The following FBXW7 variants were observed in gnomAD, a reference collection of about 807,000 sequenced individuals.
The protein encoded by FBXW7 is F-box and WD repeat domain containing 7, also known as F-box/WD repeat-containing protein 7.
A neutral mutation model predicts 86.3 loss-of-function variants in FBXW7; 11 were observed. The ratio of observed to expected loss-of-function variants is 0.13; its 90% CI spans 0.08 to 0.21. FBXW7 has a LOEUF of 0.21. Among genes scored for constraint, FBXW7 ranks in the 10% least tolerant of loss-of-function variants. FBXW7 has a pLI of 1.00. For missense variants in FBXW7, 488 were observed against 847.4 expected, an observed-to-expected ratio of 0.58 and a Z score of 5.27; for synonymous variants, 313 against 297.9, an observed-to-expected ratio of 1.05 and a Z score of -0.52.
chr4:152,491,048 G>A (rs1745798462), intron 2 of FBXW7, among the ~76,000 whole-genome samples: 1 of 152,080 alleles, frequency 6.6e-6, no homozygotes, highest in East Asian at 1.9e-4. Flanking sequence ...ACATTAATAA[G>A]GAAGAAGCAT....
chr4:152,415,109 A>G (rs1179590287), intron 2 of FBXW7, among the ~76,000 whole-genome samples: 1 of 152,194 alleles, frequency 6.6e-6, no homozygotes, highest in Non-Finnish European at 1.5e-5. Context: ...AGAGGAATAA[A>G]AGTGGGCATA....
rs990033646 is a variant in FBXW7, at chr4:152,535,601, C to T, written c.-687G>A. 28 of 396,926 alleles carry T rather than the reference C, an allele frequency of 7.1e-5. No homozygotes were observed. The highest frequency in any genetic ancestry group is 5.6e-4 in the African/African-American group (27 of 48,482). 24.6% of individuals were successfully genotyped at this position (396,926 alleles called of 1,614,324 possible). A position where few individuals can be genotyped will look rare whatever the true frequency, so the allele number is the denominator to read the frequency against. ...CGAGTCGGCGGCAAGGCGAGGGACC[C>T]GGCCGGCTCCGCTCGGCGCCGCCCC... is the stretch of plus-strand genomic sequence containing the variant. On this transcript the variant is annotated 5_prime_UTR_variant, in exon 1 of 14. Transcript: ENST00000281708.
intron 4 of FBXW7, among the ~76,000 whole-genome samples, chr4:152,399,194 G>C (rs537507457): frequency 6.6e-6 from 1 of 152,248 alleles, no homozygotes; most frequent in African/African-American, 2.4e-5. Flanking sequence ...TCAAGGAAAG[G>C]TAAATTGCCT....
intron 6 of FBXW7, among the ~76,000 whole-genome samples, chr4:152,344,459 A>G (rs1459473568): frequency 1.3e-5 from 2 of 152,048 alleles, no homozygotes; most frequent in African/African-American, 4.8e-5. Flanking sequence ...AACTAAGAAC[A>G]TGTTTTCTTC....
intron 2 of FBXW7, among the ~76,000 whole-genome samples, chr4:152,488,162 A>C (rs909250782): frequency 5.3e-5 from 8 of 152,060 alleles, no homozygotes; most frequent in African/African-American, 1.9e-4. Flanking sequence ...AACTCTACAA[A>C]ATCATCCTAT....
intron 2 of FBXW7, among the ~76,000 whole-genome samples, chr4:152,444,578 A>G (rs1741202904): frequency 2.0e-5 from 3 of 152,234 alleles, no homozygotes; most frequent in African/African-American, 4.8e-5. Flanking sequence ...AGTCAGAAGG[A>G]TAATTTTACA....
chr4:152,348,290 T>G (rs1213030914), intron 5 of FBXW7, among the ~76,000 whole-genome samples: 1 of 152,074 alleles, frequency 6.6e-6, no homozygotes, highest in Non-Finnish European at 1.5e-5. Context: ...TAAATCTATC[T>G]TTTCTTCTTT....
At chr4:152,388,494 T>G (rs1255139034) in intron 4 of FBXW7, among the ~76,000 whole-genome samples, 3 of 152,132 alleles carry the variant, frequency 2.0e-5, no homozygotes, top group Non-Finnish European at 2.9e-5. Context: ...GGAATCAACA[T>G]CTCAATGTTA....
chr4:152,511,336 C>G (rs1747957014), intron 2 of FBXW7, among the ~76,000 whole-genome samples: 1 of 142,312 alleles, frequency 7.0e-6, no homozygotes, highest in Non-Finnish European at 1.5e-5. Flanking sequence ...CTGTGGAGTG[C>G]ATGACCATGG....
intron 2 of FBXW7, among the ~76,000 whole-genome samples, chr4:152,508,031 G>A (rs2149709950): frequency 6.6e-6 from 1 of 151,750 alleles, no homozygotes; most frequent in East Asian, 1.9e-4. Flanking sequence ...TCATACCACT[G>A]CGCACTCCAG....
At chr4:152,511,351 T>C (rs967409027) in intron 2 of FBXW7, among the ~76,000 whole-genome samples, 1 of 122,936 alleles carries the variant, frequency 8.1e-6, no homozygotes, top group African/African-American at 3.1e-5. Flanking sequence ...CCATGGACAA[T>C]TACTTAAAAG....
chr4:152,374,965 C>T (rs1734360138), intron 4 of FBXW7, among the ~76,000 whole-genome samples: 1 of 151,980 alleles, frequency 6.6e-6, no homozygotes, highest in Admixed American at 6.6e-5. Flanking sequence ...TTTTACTTGG[C>T]TAAGAGTTCT....
intron 2 of FBXW7, among the ~76,000 whole-genome samples, chr4:152,531,193 T>C (rs1749995839): frequency 1.3e-5 from 2 of 152,336 alleles, no homozygotes; most frequent in Non-Finnish European, 1.5e-5. Context: ...TAACTATAAG[T>C]GGCTGCCTTC....
intron 2 of FBXW7, among the ~76,000 whole-genome samples, chr4:152,465,195 A>G (rs890132919): frequency 2.0e-5 from 3 of 151,428 alleles, no homozygotes; most frequent in African/African-American, 7.3e-5. Flanking sequence ...CCTTCAAGGA[A>G]AAAAAAAAGT....
At chr4:152,379,867 T>C (rs918210559) in intron 4 of FBXW7, among the ~76,000 whole-genome samples, 2 of 152,190 alleles carry the variant, frequency 1.3e-5, no homozygotes, top group African/African-American at 2.4e-5. Context: ...CCTGAAAATA[T>C]TTGAAGAGAT....
intron 2 of FBXW7, among the ~76,000 whole-genome samples, chr4:152,441,922 T>A (rs1740929256): frequency 6.6e-6 from 1 of 152,220 alleles, no homozygotes; most frequent in Non-Finnish European, 1.5e-5. Flanking sequence ...TTTAAAAGGT[T>A]AACACGATTT....
At chr4:152,369,867 C>G (rs1330911940) in intron 4 of FBXW7, among the ~76,000 whole-genome samples, 1 of 151,772 alleles carries the variant, frequency 6.6e-6, no homozygotes, top group African/African-American at 2.4e-5. Flanking sequence ...TAAATCAGGG[C>G]CAAGAGCTTT....
Position 152,329,737 on chromosome 4 carries a change from C to T in FBXW7, c.1171G>A (p.Gly391Ser), listed in dbSNP as rs1729377283. The change falls in exon 10 of 14, where the codon GGT (glycine) becomes AGT (serine). Residue 391 changes from glycine to serine, a missense_variant. Gly to Ser is a moderately conservative substitution (Grantham distance 56). Around this residue, in one of 4 missense-constraint regions of FBXW7, gnomAD observed 142 missense variants for 406.6 expected, o/e 0.35. Coordinates refer to ENST00000281708, the MANE Select transcript of FBXW7 (RefSeq NM_001349798.2). ...DHVITCLQFC[G>S]NRIVSGSDDN... ...TCAGAACCACTAACTATTCGGTTAC[C>T]ACAAAACTGTAAGCATGTGATCACA... 6.3e-7 allele frequency: 1 copy of T among 1,591,472 alleles called. No homozygotes were observed.
chr4:152,476,126 C>T (rs1446331684), intron 2 of FBXW7, among the ~76,000 whole-genome samples: 1 of 152,148 alleles, frequency 6.6e-6, no homozygotes, highest in Non-Finnish European at 1.5e-5. Context: ...CAAGAGGACA[C>T]ACACAGAAAT....
Sources: gnomAD v4.1 joint callset for allele counts (sites outside exome capture counted in the v4.1 genomes callset) on GRCh38, gnomAD v4.1.1 for gene constraint, gnomAD v4.1.1 regional missense constraint, MANE v1.5 for transcripts, NCBI Gene and HGNC (gene_info 2026-07-23, HGNC 2026-07-21) for gene names.